Variants in PIAS3 observed in about 807,000 individuals in gnomAD.
PIAS3 encodes E3 SUMO-protein ligase PIAS3.
PIAS3 carries 34 observed loss-of-function variants against 67.6 expected under a neutral mutation model. The ratio of observed to expected loss-of-function variants is 0.50; its 90% CI spans 0.38 to 0.67. The LOEUF is 0.67. Among genes scored for constraint, PIAS3 ranks in the 30% least tolerant of loss-of-function variants. The probability of loss-of-function intolerance (pLI) is 0.00; values close to 1 mark genes in which losing one functional copy is unlikely to be tolerated. For synonymous variants in PIAS3, 341 were observed against 313.8 expected, an observed-to-expected ratio of 1.09 and a Z score of -0.92; for missense variants, 693 against 791.6, an observed-to-expected ratio of 0.88 and a Z score of 1.49.
rs149930906 is a variant in PIAS3 at position 145,850,568 on chromosome 1, G to A, written c.1467C>T (p.His489=). 121 of 1,614,200 alleles carry A rather than the reference G, an allele frequency of 7.5e-5. No homozygotes were observed. In the African/African-American group the frequency reaches 1.4e-3, roughly 19 times the overall value. The part of the protein sequence containing the change: ...PGSKGVLTSG[H]QPSSVLRSPA... ...GGCTCCTTAGCACCGAGGATGGCTG[G>A]TGGCCAGATGTCAGGACTCTGTGGG... Residue 489 remains histidine, a synonymous_variant, in exon 12 of 14, where the codon CAC becomes CAT. Coordinates refer to ENST00000393045, the MANE Select transcript of PIAS3 (RefSeq NM_006099.3).
At position 145,853,646 on chromosome 1, in the gene PIAS3, T is replaced by G. The variant is rs1442330763; in HGVS notation, c.1003A>C (p.Thr335Pro). 1 of 1,613,856 alleles carries G rather than the reference T, an allele frequency of 6.2e-7. No homozygotes were observed. The highest frequency in any genetic ancestry group is 2.2e-5 in the East Asian group (1 of 44,878). The change falls in exon 9 of 14, where the codon ACT becomes CCT. Residue 335 changes from threonine to proline, a missense_variant. Physicochemically the swap from Thr to Pro is conservative, Grantham distance 38. Coordinates refer to ENST00000393045, the MANE Select transcript of PIAS3 (RefSeq NM_006099.3). ...LMCPLGKMRL[T>P]VPCRALTCAH... ...CAGGTGAGGGCACGACAAGGGACAG[T>G]CAGGCGCATCTTCCCTAGCTGAGGA...
chr1:145,857,914 C>T (rs1653257087), intron 1 of PIAS3, among the ~76,000 whole-genome samples: 3 of 152,210 alleles, frequency 2.0e-5, no homozygotes, highest in Admixed American at 2.0e-4. Context: ...AAGGAAAAGC[C>T]TCTGAGTCAG....
Position 145,850,406 on chromosome 1 carries a change from G to C in PIAS3, c.1582+47C>G, listed in dbSNP as rs1553733894. The C allele has an allele frequency of 3.1e-6, 5 of 1,611,966 alleles. No individual in the cohort carries two copies. In the South Asian group the frequency reaches 5.5e-5, roughly 18 times the overall value. On this transcript the variant is annotated intron_variant, in intron 12 of 13. Coordinates refer to ENST00000393045, the MANE Select transcript of PIAS3 (RefSeq NM_006099.3). ...GGAACAGGGGTTCTGATGTAGCTCT[G>C]GGGAGGGTGTGGCAGTGCAGGGTCC...
chr1:145,851,405 C>A, intron 9 of PIAS3: 1 of 421,888 alleles, frequency 2.4e-6, no homozygotes, highest in South Asian at 2.9e-5. Flanking sequence ...CCTTTAATCC[C>A]AGCACTTTGG....
rs1652859549 is a variant in PIAS3, at chr1:145,849,356, C to T, written c.*90G>A. On this transcript the variant is annotated 3_prime_UTR_variant, in exon 14 of 14. Transcript: ENST00000393045. ...GGTCTGTCTGGCCCTTGGCCAGAGCCCCCAGAGGGATCAGAGTAGCTGGGG... is the reference window on the plus strand; with the variant it reads ...GGTCTGTCTGGCCCTTGGCCAGAGCTCCCAGAGGGATCAGAGTAGCTGGGG... The T allele has an allele frequency of 7.4e-7, 1 of 1,355,466 alleles. No homozygotes were observed. The highest frequency in any genetic ancestry group is 9.6e-7 in the Non-Finnish European group (1 of 1,042,414). 84.0% of individuals were successfully genotyped at this position (1,355,466 alleles called of 1,614,324 possible).
intron 3 of PIAS3, 61 bp from the exon 4 acceptor site, chr1:145,856,179 T>C (rs1048826828): frequency 1.4e-6 from 2 of 1,460,306 alleles, no homozygotes; most frequent in African/African-American, 1.4e-5. Flanking sequence ...CAAGGGTGAA[T>C]GCACAGAAAG....
At chr1:145,853,949 T>G in intron 7 of PIAS3, 63 bp from the exon 8 acceptor site, 1 of 1,458,062 alleles carries the variant, frequency 6.9e-7, no homozygotes, top group South Asian at 1.1e-5. Context: ...CAGGAGTTGG[T>G]AAGGCCAGGA....
At chr1:145,857,133 C>T in intron 1 of PIAS3, 127 bp from the exon 2 acceptor site, 1 of 808,624 alleles carries the variant, frequency 1.2e-6, no homozygotes, top group East Asian at 2.4e-5. Context: ...TGATGCTTCG[C>T]AGCTAGTGGA....
In PIAS3 at chr1:145,851,059, C is replaced by T; in HGVS notation, c.1240G>A (p.Ala414Thr). The change falls in exon 10 of 14, where the codon GCA becomes ACA. Residue 414 changes from alanine to threonine, a missense_variant. This residue lies in a region of PIAS3 where 115 missense variants were observed against 181.8 expected (regional missense o/e 0.63). Transcript: ENST00000393045. ...CCTGGCGGGGGGCAAACCTCAGATG[C>T]CTCCTTCTTGGGTTTCATTGGGCAC... is the stretch of plus-strand genomic sequence containing the variant. ...SWCPMKPKKEASEVCPPPGYG... is the reference protein window; with the variant it reads ...SWCPMKPKKETSEVCPPPGYG... The T allele has an allele frequency of 6.2e-7, 1 of 1,614,198 alleles. No individual in the cohort carries two copies. The highest frequency in any genetic ancestry group is 8.5e-7 in the Non-Finnish European group (1 of 1,180,028).
intron 1 of PIAS3, among the ~76,000 whole-genome samples, chr1:145,858,152 G>C (rs1553735978): frequency 6.6e-6 from 1 of 152,082 alleles, no homozygotes; most frequent in East Asian, 1.9e-4. Context: ...TGAATCTCTA[G>C]GAGATCCTGT....
intron 9 of PIAS3, among the ~76,000 whole-genome samples, chr1:145,851,782 C>T (rs1274371181): frequency 6.6e-6 from 1 of 150,714 alleles, no homozygotes; most frequent in Non-Finnish European, 1.5e-5. Flanking sequence ...GGTGAAACCC[C>T]ATCTCTACCA....
rs1324755317 is a variant in PIAS3 at position 145,849,680 on chromosome 1, A to T, written c.1653T>A (p.Asp551Glu). The T allele has an allele frequency of 1.2e-6, 2 of 1,611,246 alleles. No individual in the cohort carries two copies. The highest frequency in any genetic ancestry group is 1.3e-5 in the African/African-American group (1 of 74,820). ...AGAAGTGGCCAAGGGCATCCTGTTC[A>T]TCTAGTGAGGTGATGACAGAGGGGC... ...HYGPSVITSL[D>E]EQDALGHFFQ... Residue 551 changes from aspartate (D) to glutamate (E), a missense_variant, in exon 14 of 14, where the codon GAT becomes GAA. Physicochemically the swap from Asp to Glu is conservative, Grantham distance 45. Transcript: ENST00000393045.
chr1:145,853,423 A>G (rs369167912), intron 9 of PIAS3, 81 bp downstream of exon 9: 1 of 1,167,888 alleles, frequency 8.6e-7, no homozygotes, highest in Non-Finnish European at 1.2e-6. Flanking sequence ...AAAAAAAAAA[A>G]GAAAAGAAAA....
chr1:145,857,226 C>A, intron 1 of PIAS3: 2 of 576,002 alleles, frequency 3.5e-6, no homozygotes, highest in Non-Finnish European at 6.2e-6. Context: ...CACCACCACC[C>A]CCGAGCTTGA....
rs1553734914 is a variant in PIAS3 at position 145,853,876 on chromosome 1, T to C, written c.921A>G (p.Lys307=). 1 of 1,613,916 alleles carries C rather than the reference T, an allele frequency of 6.2e-7. No individual in the cohort carries two copies. Among genetic ancestry groups the C allele is most frequent in the Admixed American group, 1.7e-5 (1 of 60,016 alleles). The change falls in exon 8 of 14, where the codon AAA becomes AAG. Residue 307 remains lysine (K), a synonymous_variant. Transcript: ENST00000393045. ...CCTCACTGTCAGGGTCAGCAGTCAA[T>C]TTCTCCTTGACTGAAACAAAAGTGA... The part of the protein sequence containing the change: ...PDHSRALIKE[K]LTADPDSEVA...
Position 145,854,730 on chromosome 1 carries a change from C to T in PIAS3, c.804+16G>A. On this transcript the variant is annotated intron_variant, in intron 6 of 13. Transcript: ENST00000393045. The stretch of plus-strand genomic sequence containing the variant: ...CTCAGCAGGCTTTTCCAGGCACCTG[C>T]TTTAGCTGTGCTCACCCGTCCGAAC... The T allele has an allele frequency of 6.2e-7, 1 of 1,614,194 alleles. No individual in the cohort carries two copies. Among genetic ancestry groups the T allele is most frequent in the Non-Finnish European group, 8.5e-7 (1 of 1,180,034 alleles).
Position 145,855,826 on chromosome 1 carries a change from C to T in PIAS3, c.579G>A (p.Arg193=). The change falls in exon 5 of 14, where the codon AGG becomes AGA. Residue 193 remains arginine, a splice_region_variant and synonymous_variant. Coordinates refer to ENST00000393045, the MANE Select transcript of PIAS3 (RefSeq NM_006099.3). ...KCDYTIQVQL[R]FCLCETSCPQ... is the part of the protein sequence containing the mutation. ...GGCAGCTGGTCTCACAGAGACAGAACCTGGTAAGAGATGAGAAAGGAAGAA... is the reference window on the plus strand; with the variant it reads ...GGCAGCTGGTCTCACAGAGACAGAATCTGGTAAGAGATGAGAAAGGAAGAA... 1 of 1,579,774 alleles carries T rather than the reference C, an allele frequency of 6.3e-7. No homozygotes were observed. The highest frequency in any genetic ancestry group is 8.7e-7 in the Non-Finnish European group (1 of 1,148,658).
rs1302882775 is a variant in PIAS3 at position 145,850,591 on chromosome 1, G to A, written c.1449-5C>T. 1.4e-5 allele frequency: 23 copies of A among 1,612,794 alleles called. No homozygotes were observed. Among genetic ancestry groups the A allele is most frequent in the Non-Finnish European group, 1.9e-5 (22 of 1,179,032 alleles). ...TGGTGGCCAGATGTCAGGACTCTGT[G>A]GGTAGAGAGGAGCTGAGGCAGCCAG... On this transcript the variant is annotated splice_region_variant and splice_polypyrimidine_tract_variant and intron_variant, in intron 11 of 13. Coordinates refer to ENST00000393045, the MANE Select transcript of PIAS3 (RefSeq NM_006099.3).
chr1:145,857,183 G>C, intron 1 of PIAS3, 177 bp from the exon 2 acceptor site: 2 of 620,004 alleles, frequency 3.2e-6, no homozygotes, highest in South Asian at 3.9e-5. Flanking sequence ...GGACATCTCA[G>C]TCCCACTTTA....
Sources: gnomAD v4.1 joint callset for allele counts (sites outside exome capture counted in the v4.1 genomes callset) on GRCh38, gnomAD v4.1.1 for gene constraint, gnomAD v4.1.1 regional missense constraint, MANE v1.5 for transcripts, NCBI Gene and HGNC (gene_info 2026-07-23, HGNC 2026-07-21) for gene names.